IQCM: variants seen among roughly 807,000 people sequenced by gnomAD.
IQCM encodes IQ domain-containing protein M.
Under a neutral mutation model 57.6 loss-of-function variants are expected in IQCM, and 45 were observed. The ratio of observed to expected loss-of-function variants is 0.78; its 90% confidence interval spans 0.62 to 1.00. IQCM has a LOEUF of 1.00. Ranked by LOEUF, IQCM falls within the 50% of genes least tolerant of loss-of-function variation. The probability of loss-of-function intolerance (pLI) is 0.00; values close to 1 mark genes in which losing one functional copy is unlikely to be tolerated. For missense variants in IQCM, 468 were observed against 511.6 expected (o/e 0.91, Z 0.82); for synonymous variants, 148 against 158.9 (o/e 0.93, Z 0.51).
At position 149,380,219 on chromosome 4, in the gene IQCM, CGT is replaced by C. The variant is rs375972746; in HGVS notation, c.1391-28155_1391-28154del. On this transcript the variant is annotated intron_variant, in intron 13 of 13. Transcript: ENST00000636793. ...GAAGATCATGCATAATGAATGTGCT[CGT>C]GTGTGTGTGTGTGTGTGTGTGTGAA... Among the ~76,000 whole-genome samples, 93 of 148,140 alleles carry C rather than the reference CGT, an allele frequency of 6.3e-4. 1 individual carries two copies. The highest frequency in any genetic ancestry group is 1.6e-3 in the African/African-American group (66 of 40,436).
intron 12 of IQCM, among the ~76,000 whole-genome samples, chr4:149,547,134 T>C (rs1579443591): frequency 6.6e-6 from 1 of 152,242 alleles, no homozygotes; most frequent in Non-Finnish European, 1.5e-5. Context: ...TGGTTGTAGA[T>C]GTGTGGTATT....
chr4:149,623,736 T>TGC (rs1756551960), intron 7 of IQCM, among the ~76,000 whole-genome samples: 1 of 152,080 alleles, frequency 6.6e-6, no homozygotes, highest in African/African-American at 2.4e-5. Context: ...TGTGTGTGTG[T>TGC]GTGTGTGTGT....
At chr4:149,800,673 AAGT>A (rs1216481889) in intron 2 of IQCM, among the ~76,000 whole-genome samples, 1 of 152,022 alleles carries the variant, frequency 6.6e-6, no homozygotes, top group Non-Finnish European at 1.5e-5. Context: ...AACACAGAAA[AAGT>A]AGTAGCATTT....
Position 149,548,435 on chromosome 4 carries a change from AG to A in IQCM, c.1228+19del, listed in dbSNP as rs1748677472. ...TTGAAAGGAAAAGAAGGGGGGAAAA[AG>A]AAATGAGAAACTACTCACCTTGATG... On this transcript the variant is annotated intron_variant, in intron 12 of 13. Coordinates refer to ENST00000636793, the MANE Select transcript of IQCM (RefSeq NM_001363507.2). 8.1e-7 allele frequency: 1 copy of A among 1,231,626 alleles called. No individual in the cohort carries two copies. Among genetic ancestry groups the A allele is most frequent in the Non-Finnish European group, 1.0e-6 (1 of 987,590 alleles). The allele number at this position is 1,231,626 out of a possible 1,614,324, so 76.3% of individuals were successfully genotyped here.
At chr4:149,404,616 C>T (rs954062399) in intron 13 of IQCM, among the ~76,000 whole-genome samples, 4 of 151,902 alleles carry the variant, frequency 2.6e-5, no homozygotes, top group African/African-American at 9.7e-5. Flanking sequence ...GTGTAAAATA[C>T]AGAAGTCTAG....
chr4:149,786,349 A>AT (rs1772080996), intron 2 of IQCM, among the ~76,000 whole-genome samples: 1 of 152,186 alleles, frequency 6.6e-6, no homozygotes, highest in Admixed American at 6.5e-5. Flanking sequence ...TTTTACGGAG[A>AT]AAGAGGTCCA....
In IQCM at chr4:149,430,038, A is replaced by C. The variant is rs2111254000; in HGVS notation, c.1390+3358T>G. 2.4e-6 allele frequency: 3 copies of C among 1,226,424 alleles called. No individual in the cohort carries two copies. In the East Asian group the frequency reaches 9.5e-5, roughly 39 times the overall value. The allele number at this position is 1,226,424 out of a possible 1,614,324, so 76.0% of individuals were successfully genotyped here. On this transcript the variant is annotated intron_variant, in intron 13 of 13. Transcript: ENST00000636793. Reference sequence around the variant, plus strand: ...TAATTTCAGGTGGAAAACTGCAGAGAAAATAAATAGCAGTCAGGTTCTTAA... The same window carrying C: ...TAATTTCAGGTGGAAAACTGCAGAGCAAATAAATAGCAGTCAGGTTCTTAA...
At chr4:149,674,584 C>T (rs1429313209) in intron 7 of IQCM, among the ~76,000 whole-genome samples, 3 of 151,806 alleles carry the variant, frequency 2.0e-5, no homozygotes, top group Non-Finnish European at 4.4e-5. Flanking sequence ...GGCCTTTGGG[C>T]GAAGCATGAA....
At chr4:149,610,500 C>T (rs1469599600) in intron 8 of IQCM, among the ~76,000 whole-genome samples, 1 of 152,004 alleles carries the variant, frequency 6.6e-6, no homozygotes, top group Non-Finnish European at 1.5e-5. Flanking sequence ...GTAACATAAA[C>T]AGCCTGATAG....
chr4:149,379,609 G>T (rs1178186007), intron 13 of IQCM, among the ~76,000 whole-genome samples: 1 of 152,134 alleles, frequency 6.6e-6, no homozygotes, highest in Non-Finnish European at 1.5e-5. Context: ...TTTACCCAAT[G>T]CCTCTACCCC....
At chr4:149,513,242 T>C (rs1035787905) in intron 12 of IQCM, among the ~76,000 whole-genome samples, 1 of 152,168 alleles carries the variant, frequency 6.6e-6, no homozygotes, top group Non-Finnish European at 1.5e-5. Context: ...CAGAGTATAA[T>C]GAGCCAATTC....
intron 5 of IQCM, among the ~76,000 whole-genome samples, chr4:149,732,992 G>A (rs1045012890): frequency 6.6e-6 from 1 of 152,134 alleles, no homozygotes; most frequent in African/African-American, 2.4e-5. Context: ...CTAGGAAGAA[G>A]ATCACTTCTG....
intron 13 of IQCM, among the ~76,000 whole-genome samples, chr4:149,404,124 T>C (rs551659724): frequency 6.6e-6 from 1 of 152,104 alleles, no homozygotes; most frequent in East Asian, 1.9e-4. Context: ...AACTCTCACC[T>C]CTTGGGAGCA....
Position 149,534,856 on chromosome 4 carries a change from A to T in IQCM, c.1228+13599T>A, listed in dbSNP as rs925641025. Among the ~76,000 whole-genome samples, 3 of 152,258 alleles carry T rather than the reference A, an allele frequency of 2.0e-5. No homozygotes were observed. In the East Asian group the frequency reaches 5.8e-4, roughly 29 times the overall value. The stretch of plus-strand genomic sequence containing the variant: ...ATGGCTCTAGAGGTAACCTTTTTAA[A>T]AAAAGGAAGCTTTTAGCATAAACAA... On this transcript the variant is annotated intron_variant, in intron 12 of 13. Transcript: ENST00000636793.
chr4:149,498,972 G>C (rs924748473), intron 12 of IQCM, among the ~76,000 whole-genome samples: 5 of 152,122 alleles, frequency 3.3e-5, no homozygotes, highest in African/African-American at 1.2e-4. Context: ...ATAGCTAAAG[G>C]TGGTAAATCA....
intron 12 of IQCM, among the ~76,000 whole-genome samples, chr4:149,537,179 T>C (rs1453334871): frequency 6.6e-6 from 1 of 151,894 alleles, no homozygotes; most frequent in Admixed American, 6.6e-5. Context: ...AAGATACTAT[T>C]ATAAACATGT....
intron 7 of IQCM, among the ~76,000 whole-genome samples, chr4:149,669,071 T>C (rs191570448): frequency 3.9e-5 from 6 of 152,286 alleles, no homozygotes; most frequent in Non-Finnish European, 7.4e-5. Flanking sequence ...CCACAATGGT[T>C]GAATTAGTTT....
intron 13 of IQCM, among the ~76,000 whole-genome samples, chr4:149,365,683 A>G (rs1373331263): frequency 2.0e-5 from 3 of 152,066 alleles, no homozygotes; most frequent in Non-Finnish European, 1.5e-5. Context: ...AGGACACTTC[A>G]CCTCTGTGAT....
intron 13 of IQCM, among the ~76,000 whole-genome samples, chr4:149,362,453 T>C (rs1324667074): frequency 6.6e-6 from 1 of 152,224 alleles, no homozygotes; most frequent in South Asian, 2.1e-4. Flanking sequence ...GAGGGACCCA[T>C]GGGGAGGTAA....
Sources: allele counts gnomAD v4.1 joint callset (sites outside exome capture counted in the v4.1 genomes callset), GRCh38; gene constraint gnomAD v4.1.1; transcripts MANE v1.5; gene names NCBI Gene and HGNC (gene_info 2026-07-23, HGNC 2026-07-21).